The following WDR47 variants were observed in gnomAD, a reference collection of about 807,000 sequenced individuals.
WDR47 encodes WD repeat-containing protein 47.
A neutral mutation model predicts 97.2 loss-of-function variants in WDR47; 32 were observed. That is an observed-to-expected ratio of 0.33 (90% CI 0.25 to 0.44). The LOEUF is 0.44. Ranked by LOEUF, WDR47 falls within the 20% of genes least tolerant of loss-of-function variation. WDR47 has a pLI of 1.00. For missense variants in WDR47, 782 were observed against 1,102.3 expected (o/e 0.71, Z 4.11); for synonymous variants, 375 against 373.5 (o/e 1.00, Z -0.05).
At chr1:108,983,551 C>A in intron 10 of WDR47, 100 bp from the exon 11 acceptor site, 1 of 1,019,760 alleles carries the variant, frequency 9.8e-7, no homozygotes, top group East Asian at 3.0e-5. Context: ...GGAGAAAAAG[C>A]GTGTCAGACA....
chr1:109,040,035 CA>C (rs71281820), intron 1 of WDR47, among the ~76,000 whole-genome samples: 956 of 51,146 alleles, frequency 0.019, 7 homozygotes, highest in African/African-American at 0.062. Context: ...GACTCCGTCT[CA>C]AAAAAAAAAA....
intron 1 of WDR47, chr1:109,030,199 G>A (rs1414447914): frequency 7.9e-6 from 12 of 1,527,838 alleles, no homozygotes; most frequent in South Asian, 2.4e-5. Flanking sequence ...AAATCACCAC[G>A]GTCTTTAGCC....
chr1:109,037,326 T>G, intron 1 of WDR47, among the ~76,000 whole-genome samples: 1 of 117,744 alleles, frequency 8.5e-6, no homozygotes. Context: ...CAAAACTCCG[T>G]CTAAAAAAAA....
intron 7 of WDR47, among the ~76,000 whole-genome samples, chr1:108,999,332 C>T (rs1008722893): frequency 6.6e-6 from 1 of 151,608 alleles, no homozygotes; most frequent in Non-Finnish European, 1.5e-5. Flanking sequence ...TAGGATGGGC[C>T]GGGCATGGAA....
chr1:109,028,234 G>C (rs1296399482), intron 1 of WDR47, among the ~76,000 whole-genome samples: 1 of 152,038 alleles, frequency 6.6e-6, no homozygotes, highest in African/African-American at 2.4e-5. Context: ...GCCCAGGCAG[G>C]AGTGCAGTGG....
chr1:108,984,137 G>A (rs1334971477), intron 10 of WDR47, among the ~76,000 whole-genome samples: 1 of 152,200 alleles, frequency 6.6e-6, no homozygotes, highest in Non-Finnish European at 1.5e-5. Flanking sequence ...TTAGTAGAGT[G>A]AGCAGGAGTG....
At chr1:108,989,963 G>C (rs1345257865) in intron 9 of WDR47, among the ~76,000 whole-genome samples, 1 of 151,932 alleles carries the variant, frequency 6.6e-6, no homozygotes, top group Non-Finnish European at 1.5e-5. Flanking sequence ...CCCAAGTGTT[G>C]GGATTACAGG....
intron 13 of WDR47, among the ~76,000 whole-genome samples, chr1:108,977,913 G>A (rs1302310305): frequency 6.6e-6 from 1 of 151,036 alleles, no homozygotes; most frequent in Non-Finnish European, 1.5e-5. Flanking sequence ...GAACCTGGGA[G>A]ACGGAAGTTG....
chr1:109,013,980 T>C, intron 3 of WDR47, 55 bp from the exon 4 acceptor site: 7 of 1,287,306 alleles, frequency 5.4e-6, no homozygotes, highest in Non-Finnish European at 7.7e-6. Flanking sequence ...CAAATATACT[T>C]AGAAGTTACT....
At chr1:108,989,899 T>C (rs1659187023) in intron 9 of WDR47, among the ~76,000 whole-genome samples, 1 of 152,194 alleles carries the variant, frequency 6.6e-6, no homozygotes, top group Non-Finnish European at 1.5e-5. Flanking sequence ...TTTCGCCATG[T>C]TGGCCAGGCT....
intron 1 of WDR47, among the ~76,000 whole-genome samples, chr1:109,026,782 A>G (rs374090615): frequency 6.6e-6 from 1 of 152,194 alleles, no homozygotes; most frequent in Non-Finnish European, 1.5e-5. Flanking sequence ...GTCCAGATAT[A>G]AAGTTACTCT....
At chr1:109,021,820 C>T (rs539770202) in intron 2 of WDR47, among the ~76,000 whole-genome samples, 1 of 151,900 alleles carries the variant, frequency 6.6e-6, no homozygotes, top group African/African-American at 2.4e-5. Context: ...AGCCACCACG[C>T]CTGGCCTTTT....
intron 7 of WDR47, among the ~76,000 whole-genome samples, chr1:108,997,754 C>A (rs1379636888): frequency 2.3e-5 from 1 of 43,800 alleles, no homozygotes; most frequent in Non-Finnish European, 3.9e-5. Flanking sequence ...AGCAAGACTC[C>A]ATCTCAAAAA....
At chr1:108,992,955 T>A in intron 8 of WDR47, 1 of 725,214 alleles carries the variant, frequency 1.4e-6, no homozygotes, top group Non-Finnish European at 2.3e-6. Context: ...GTTTCCAACT[T>A]AAAAGGGCCC....
intron 6 of WDR47, among the ~76,000 whole-genome samples, chr1:109,004,319 G>A (rs1660424942): frequency 6.6e-6 from 1 of 151,706 alleles, no homozygotes; most frequent in African/African-American, 2.4e-5. Flanking sequence ...GCAATTACTT[G>A]AGTCGCAAAG....
At chr1:109,015,160 A>G (rs755612506) in intron 3 of WDR47, among the ~76,000 whole-genome samples, 8 of 152,148 alleles carry the variant, frequency 5.3e-5, no homozygotes, top group Non-Finnish European at 2.9e-5. Flanking sequence ...GTACAAACGC[A>G]AAGAAATATC....
chr1:109,039,561 A>G (rs909826085), intron 1 of WDR47, among the ~76,000 whole-genome samples: 1 of 152,196 alleles, frequency 6.6e-6, no homozygotes, highest in Non-Finnish European at 1.5e-5. Context: ...CCCAGCCGGT[A>G]TAAACCCTTT....
chr1:109,011,427 A>C lies in WDR47; in HGVS notation c.619T>G (p.Cys207Gly). Reference sequence around the variant, plus strand: ...GCTTTACTCTGACAAAATTCTACACAGCATTCATAAAGCAGGCCTTTCATT... The same window carrying C: ...GCTTTACTCTGACAAAATTCTACACCGCATTCATAAAGCAGGCCTTTCATT... The part of the protein sequence containing the change: ...LVMKGLLYEC[C>G]VEFCQSKATG... Residue 207 changes from cysteine to glycine, a missense_variant, in exon 5 of 15, where the codon TGT becomes GGT. Physicochemically the swap from Cys to Gly is radical, Grantham distance 159. Transcript: ENST00000369962. 4 of 1,614,232 alleles carry C rather than the reference A, an allele frequency of 2.5e-6. No homozygotes were observed. The highest frequency in any genetic ancestry group is 3.4e-6 in the Non-Finnish European group (4 of 1,180,042).
At position 108,971,016 on chromosome 1, in the gene WDR47, T is replaced by C. The variant is rs753345371; in HGVS notation, c.*414A>G. 10 of 155,506 alleles carry C rather than the reference T, an allele frequency of 6.4e-5. No individual in the cohort carries two copies. The highest frequency in any genetic ancestry group is 1.1e-4 in the Non-Finnish European group (8 of 70,006). 9.6% of individuals were successfully genotyped at this position (155,506 alleles called of 1,614,324 possible). Reference sequence around the variant, plus strand: ...TTCTGAACACCTGGGAAGTTTAATCTGGGAGGAACTTGGTTGCATTACATT... The same window carrying C: ...TTCTGAACACCTGGGAAGTTTAATCCGGGAGGAACTTGGTTGCATTACATT... On this transcript the variant is annotated 3_prime_UTR_variant, in exon 15 of 15. Coordinates refer to ENST00000369962, the MANE Select transcript of WDR47 (RefSeq NM_001142551.2).
Sources: gnomAD v4.1 joint callset for allele counts (sites outside exome capture counted in the v4.1 genomes callset) on GRCh38, gnomAD v4.1.1 for gene constraint, MANE v1.5 for transcripts, NCBI Gene and HGNC (gene_info 2026-07-23, HGNC 2026-07-21) for gene names.